The following TTC21B variants were observed in gnomAD, a reference collection of about 807,000 sequenced individuals.
TTC21B encodes tetratricopeptide repeat domain 21B.
Under a neutral mutation model 175.1 loss-of-function variants are expected in TTC21B, and 127 were observed. The ratio of observed to expected loss-of-function variants is 0.73; its 90% CI spans 0.63 to 0.84. The LOEUF (loss-of-function observed/expected upper bound fraction) is 0.84, where lower values mean the gene tolerates loss of function less well. Among genes scored for constraint, TTC21B ranks in the 40% least tolerant of loss-of-function variants. TTC21B has a pLI of 0.00. For missense variants in TTC21B, 1,561 were observed against 1,558.3 expected, an observed-to-expected ratio of 1.00 and a Z score of -0.03; for synonymous variants, 524 against 524.5, an observed-to-expected ratio of 1.00 and a Z score of 0.01.
rs1687780805 is a variant in TTC21B at position 165,952,205 on chromosome 2, T to C, written c.21+1480A>G. Among the ~76,000 whole-genome samples, 3 of 152,180 alleles carry C rather than the reference T, an allele frequency of 2.0e-5. No individual in the cohort carries two copies. In the Middle Eastern group the frequency reaches 0.01, roughly 518 times the overall value. On this transcript the variant is annotated intron_variant, in intron 1 of 28. Coordinates refer to ENST00000243344, the MANE Select transcript of TTC21B (RefSeq NM_024753.5). Reference sequence around the variant, plus strand: ...TCTGGCTGGCTGGCTGTACAGCCAGTGAACTAAGAATGGTTTTTATATTTT... The same window carrying C: ...TCTGGCTGGCTGGCTGTACAGCCAGCGAACTAAGAATGGTTTTTATATTTT...
chr2:165,926,091 C>T (rs2105337633), intron 11 of TTC21B, among the ~76,000 whole-genome samples: 1 of 152,296 alleles, frequency 6.6e-6, no homozygotes, highest in Middle Eastern at 3.4e-3. Flanking sequence ...AGGAACAGAG[C>T]TAAAGAGACA....
intron 14 of TTC21B, 86 bp from the exon 15 acceptor site, chr2:165,915,525 G>A: frequency 9.6e-7 from 1 of 1,036,828 alleles, no homozygotes; most frequent in Non-Finnish European, 1.5e-6. Context: ...AACGCAGAAT[G>A]AATAAATGCT....
intron 6 of TTC21B, among the ~76,000 whole-genome samples, chr2:165,937,333 G>A (rs1687187403): frequency 3.3e-5 from 5 of 152,084 alleles, no homozygotes; most frequent in Non-Finnish European, 7.4e-5. Context: ...TTTTAGGGCA[G>A]TAGAAATATT....
At chr2:165,943,465 A>G in intron 4 of TTC21B, 124 bp from the exon 5 acceptor site, 1 of 783,032 alleles carries the variant, frequency 1.3e-6, no homozygotes, top group Non-Finnish European at 2.1e-6. Flanking sequence ...TATGTTATGA[A>G]CAATAAAATT....
intron 6 of TTC21B, among the ~76,000 whole-genome samples, chr2:165,933,463 C>T (rs574639507): frequency 3.9e-5 from 6 of 151,964 alleles, no homozygotes; most frequent in South Asian, 2.1e-4. Context: ...CAGATTCCTA[C>T]GTGATAAAAA....
chr2:165,879,707 C>A (rs1029668815), intron 27 of TTC21B: 4 of 152,174 alleles, frequency 2.6e-5, no homozygotes, highest in African/African-American at 7.2e-5. Context: ...TAAAACAGCA[C>A]TTTCCAAACT....
intron 26 of TTC21B, among the ~76,000 whole-genome samples, chr2:165,882,568 A>G (rs539576248): frequency 4.7e-4 from 72 of 152,206 alleles, no homozygotes; most frequent in South Asian, 2.5e-3. Flanking sequence ...AGCTTCCTTC[A>G]TCATCTGGTA....
intron 22 of TTC21B, among the ~76,000 whole-genome samples, chr2:165,893,776 G>A (rs1685272131): frequency 6.6e-6 from 1 of 151,942 alleles, no homozygotes; most frequent in Non-Finnish European, 1.5e-5. Context: ...AAGGATAGGA[G>A]GAAGATCTTA....
At chr2:165,881,835 A>G (rs922250256) in intron 26 of TTC21B, among the ~76,000 whole-genome samples, 2 of 152,164 alleles carry the variant, frequency 1.3e-5, no homozygotes, top group African/African-American at 4.8e-5. Context: ...AAATCACTAC[A>G]TTTAAGACTG....
chr2:165,875,067 C>CAT lies in TTC21B; in HGVS notation c.3874-236_3874-235insAT, dbSNP rs10688149. On this transcript the variant is annotated intron_variant, in intron 28 of 28. Transcript: ENST00000243344. The stretch of plus-strand genomic sequence containing the variant: ...TATCAAATGCAGAAAATATAACAAA[C>CAT]AACTGCTTACCTAATAGATGAATTG... Among the ~76,000 whole-genome samples, 6,735 of 152,028 alleles carry CAT rather than the reference C, an allele frequency of 0.044. 325 individuals are homozygous for CAT. Among genetic ancestry groups the CAT allele is most frequent in the Admixed American group, 0.11 (1,674 of 15,272 alleles).
At position 165,929,421 on chromosome 2, in the gene TTC21B, C is replaced by T; in HGVS notation, c.1186-86G>A. 4 of 1,118,324 alleles carry T rather than the reference C, an allele frequency of 3.6e-6. No individual in the cohort carries two copies. In the Admixed American group the frequency reaches 8.1e-5, roughly 23 times the overall value. The allele number at this position is 1,118,324 out of a possible 1,614,324, so 69.3% of individuals were successfully genotyped here. A position where few individuals can be genotyped will look rare whatever the true frequency, so the allele number is the denominator to read the frequency against. On this transcript the variant is annotated intron_variant, in intron 10 of 28. Coordinates refer to ENST00000243344, the MANE Select transcript of TTC21B (RefSeq NM_024753.5). ...TTAGATTTCAAATGCATATAATGTGCTACTGATATGCAATTATTTGTTCAA... is the reference window on the plus strand; with the variant it reads ...TTAGATTTCAAATGCATATAATGTGTTACTGATATGCAATTATTTGTTCAA...
chr2:165,936,392 A>C (rs1205701633), intron 6 of TTC21B, among the ~76,000 whole-genome samples: 1 of 152,140 alleles, frequency 6.6e-6, no homozygotes, highest in African/African-American at 2.4e-5. Context: ...CTGACGGCCT[A>C]TGGTTTGATG....
chr2:165,882,305 A>AT (rs935756056), intron 26 of TTC21B, among the ~76,000 whole-genome samples: 7 of 152,308 alleles, frequency 4.6e-5, no homozygotes, highest in African/African-American at 1.7e-4. Flanking sequence ...AAAAGGCAGG[A>AT]TATTTATTTG....
chr2:165,889,580 T>C (rs1685121093), intron 24 of TTC21B, among the ~76,000 whole-genome samples: 1 of 152,110 alleles, frequency 6.6e-6, no homozygotes, highest in Non-Finnish European at 1.5e-5. Flanking sequence ...ACAGTAATGT[T>C]ACCTCAACCT....
At chr2:165,888,101 G>A (rs1685068502) in intron 25 of TTC21B, among the ~76,000 whole-genome samples, 178 bp downstream of exon 25, 1 of 152,148 alleles carries the variant, frequency 6.6e-6, no homozygotes, top group Non-Finnish European at 1.5e-5. Flanking sequence ...CAACAAAACA[G>A]TAACATCGTC....
At chr2:165,925,962 A>C (rs2105337437) in intron 11 of TTC21B, among the ~76,000 whole-genome samples, 1 of 152,316 alleles carries the variant, frequency 6.6e-6, no homozygotes, top group South Asian at 2.1e-4. Context: ...CATCATTTTC[A>C]CTGCAAACAA....
At chr2:165,891,567 TA>T (rs1173412632) in intron 22 of TTC21B, among the ~76,000 whole-genome samples, 1 of 143,392 alleles carries the variant, frequency 7.0e-6, no homozygotes, top group Non-Finnish European at 1.5e-5. Flanking sequence ...CACCTTCTTC[TA>T]AAAAAAATTC....
Position 165,931,742 on chromosome 2 carries a change from TG to T in TTC21B, c.894+15del, listed in dbSNP as rs1559067850. ...CTATAGATAACAGAGCTCTGGTACA[TG>T]GTAGGCACTCTCACAGTTCTGCTGA... On this transcript the variant is annotated intron_variant, in intron 8 of 28. Coordinates refer to ENST00000243344, the MANE Select transcript of TTC21B (RefSeq NM_024753.5). The T allele has an allele frequency of 1.3e-6, 2 of 1,598,076 alleles. No individual in the cohort carries two copies. The highest frequency in any genetic ancestry group is 8.6e-7 in the Non-Finnish European group (1 of 1,165,552).
intron 12 of TTC21B, among the ~76,000 whole-genome samples, chr2:165,922,565 T>TAAAAAAAAA (rs1686452039): frequency 4.2e-5 from 1 of 23,592 alleles, no homozygotes; most frequent in Non-Finnish European, 8.8e-5. Context: ...TATTAAAAAG[T>TAAAAAAAAA]CAAAAAAAAA....
Sources: allele counts gnomAD v4.1 joint callset (sites outside exome capture counted in the v4.1 genomes callset), GRCh38; gene constraint gnomAD v4.1.1; transcripts MANE v1.5; gene names NCBI Gene and HGNC (gene_info 2026-07-23, HGNC 2026-07-21).